Variants in ALK observed in about 807,000 individuals in gnomAD.
ALK encodes the protein ALK receptor tyrosine kinase.
In ALK, 74 loss-of-function variants were observed where a neutral mutation model predicts 163.1. The ratio of observed to expected loss-of-function variants is 0.45; its 90% CI spans 0.38 to 0.55. ALK has a LOEUF of 0.55. Among genes scored for constraint, ALK ranks in the 20% least tolerant of loss-of-function variants. The pLI, the probability that ALK is intolerant of heterozygous loss-of-function variation, is 0.00. For missense variants in ALK, 2,063 were observed against 2,105.3 expected, an observed-to-expected ratio of 0.98 and a Z score of 0.39; for synonymous variants, 960 against 843.2, an observed-to-expected ratio of 1.14 and a Z score of -2.40.
intron 4 of ALK, among the ~76,000 whole-genome samples, chr2:29,441,399 C>A (rs1467078609): frequency 3.3e-5 from 5 of 152,170 alleles, no homozygotes; most frequent in African/African-American, 1.2e-4. Context: ...CAGGGCCCGC[C>A]CTGGCTGGGG....
intron 4 of ALK, among the ~76,000 whole-genome samples, chr2:29,384,984 GA>G (rs2148302653): frequency 6.6e-6 from 1 of 152,176 alleles, no homozygotes; most frequent in Non-Finnish European, 1.5e-5. Flanking sequence ...CAGGGAGGTG[GA>G]GGTTGCAGTG....
chr2:29,446,206 A>G (rs1434504331), intron 4 of ALK, among the ~76,000 whole-genome samples: 14 of 151,974 alleles, frequency 9.2e-5, no homozygotes, highest in Non-Finnish European at 1.6e-4. Flanking sequence ...AACAACCAGC[A>G]AATAGGGACA....
chr2:29,218,405 C>G (rs1422565728), intron 23 of ALK, among the ~76,000 whole-genome samples: 2 of 152,140 alleles, frequency 1.3e-5, no homozygotes, highest in Non-Finnish European at 1.5e-5. Flanking sequence ...GGGACAGGCT[C>G]CTGTTCTGAC....
chr2:29,677,198 C>T (rs1197456511), intron 3 of ALK, among the ~76,000 whole-genome samples: 1 of 148,304 alleles, frequency 6.7e-6, no homozygotes, highest in African/African-American at 2.5e-5. Flanking sequence ...TCCCTCCTTC[C>T]CTCCTTCCTT....
chr2:29,697,574 C>T (rs1216760132), intron 2 of ALK, among the ~76,000 whole-genome samples: 2 of 152,142 alleles, frequency 1.3e-5, no homozygotes, highest in African/African-American at 2.4e-5. Flanking sequence ...CAGAAGATGC[C>T]AAGATGCAAA....
intron 3 of ALK, among the ~76,000 whole-genome samples, chr2:29,540,053 G>T (rs1171929104): frequency 6.6e-6 from 1 of 152,082 alleles, no homozygotes; most frequent in Non-Finnish European, 1.5e-5. Context: ...TGGATATAGT[G>T]GTTATTGGAT....
At chr2:29,683,584 T>C (rs965415607) in intron 3 of ALK, among the ~76,000 whole-genome samples, 11 of 152,142 alleles carry the variant, frequency 7.2e-5, no homozygotes, top group Non-Finnish European at 1.6e-4. Flanking sequence ...TCTGAAGCCC[T>C]GTGTATTCTT....
At chr2:29,240,031 C>T (rs1294438814) in intron 12 of ALK, among the ~76,000 whole-genome samples, 1 of 151,958 alleles carries the variant, frequency 6.6e-6, no homozygotes, top group East Asian at 1.9e-4. Flanking sequence ...AGGGAGTTGC[C>T]TCAGTCACAG....
At chr2:29,242,977 C>G (rs1048724043) in intron 12 of ALK, among the ~76,000 whole-genome samples, 1 of 152,214 alleles carries the variant, frequency 6.6e-6, no homozygotes. Context: ...TTGCAGGAGT[C>G]CTAGAAGGAG....
chr2:29,816,241 A>T (rs568106674), intron 1 of ALK, among the ~76,000 whole-genome samples: 43 of 152,304 alleles, frequency 2.8e-4, no homozygotes, highest in African/African-American at 1.0e-3. Context: ...TAACAGGGAC[A>T]TTTGCAGACA....
At chr2:29,200,850 G>GTATATATATGTGTATATATAT (rs1558609069) in intron 26 of ALK, among the ~76,000 whole-genome samples, 4 of 140,756 alleles carry the variant, frequency 2.8e-5, no homozygotes, top group Non-Finnish European at 4.6e-5. Context: ...TGTGTATATA[G>GTATATATATGTGTATATATAT]ATACGTATAT....
intron 1 of ALK, among the ~76,000 whole-genome samples, chr2:29,737,153 A>G (rs909464800): frequency 1.4e-4 from 21 of 152,136 alleles, no homozygotes; most frequent in Admixed American, 3.3e-4. Flanking sequence ...CAGGTCATAA[A>G]ACAATATAAA....
At chr2:29,755,457 T>A (rs1242003651) in intron 1 of ALK, among the ~76,000 whole-genome samples, 1 of 152,218 alleles carries the variant, frequency 6.6e-6, no homozygotes, top group African/African-American at 2.4e-5. Context: ...CCACAGCACC[T>A]ATTTCTGCAG....
At chr2:29,421,896 T>G (rs908261911) in intron 4 of ALK, among the ~76,000 whole-genome samples, 8 of 151,662 alleles carry the variant, frequency 5.3e-5, no homozygotes, top group South Asian at 2.1e-4. Context: ...CTGTAATATC[T>G]TGAGGAAGAA....
intron 4 of ALK, among the ~76,000 whole-genome samples, chr2:29,477,265 G>A (rs1349949001): frequency 6.6e-6 from 1 of 152,148 alleles, no homozygotes; most frequent in Non-Finnish European, 1.5e-5. Flanking sequence ...CTACCCAGAG[G>A]CAGCATCATG....
intron 13 of ALK, among the ~76,000 whole-genome samples, chr2:29,239,408 G>C (rs1016676536): frequency 6.6e-5 from 10 of 152,138 alleles, no homozygotes; most frequent in Admixed American, 6.5e-4. Context: ...GAGGGAGGGG[G>C]GGAGCCTGGC....
rs114147709 is a variant in ALK at position 29,625,514 on chromosome 2, A to G, written c.952+69336T>C. ...ACTACCTAAATTTCACAAATCAGAA[A>G]ACTGATAACTAGAATATGACAGAGA... On this transcript the variant is annotated intron_variant, in intron 3 of 28. Coordinates refer to ENST00000389048, the MANE Select transcript of ALK (RefSeq NM_004304.5). 4.8e-3 allele frequency among the ~76,000 whole-genome samples: 727 copies of G among 152,334 alleles called. 8 individuals are homozygous for G. The highest frequency in any genetic ancestry group is 0.015 in the African/African-American group (634 of 41,574).
intron 28 of ALK, among the ~76,000 whole-genome samples, chr2:29,196,190 A>G (rs1234456460): frequency 6.6e-6 from 1 of 152,214 alleles, no homozygotes; most frequent in Non-Finnish European, 1.5e-5. Context: ...CTCCTCATCT[A>G]TAAGGTAGGG....
chr2:29,468,284 C>A (rs755921009), intron 4 of ALK, among the ~76,000 whole-genome samples: 1 of 152,154 alleles, frequency 6.6e-6, no homozygotes, highest in Non-Finnish European at 1.5e-5. Context: ...ACCTCGGCCT[C>A]CCAAAGTGCT....
Sources: gnomAD v4.1 joint callset for allele counts (sites outside exome capture counted in the v4.1 genomes callset) on GRCh38, gnomAD v4.1.1 for gene constraint, MANE v1.5 for transcripts, NCBI Gene and HGNC (gene_info 2026-07-23, HGNC 2026-07-21) for gene names.